The following LRRC28 variants were observed in gnomAD, a reference collection of about 807,000 sequenced individuals.
The protein encoded by LRRC28 is leucine rich repeat containing 28.
LRRC28 carries 39 observed loss-of-function variants against 45.7 expected under a neutral mutation model. The ratio of observed to expected loss-of-function variants is 0.85; its 90% CI spans 0.66 to 1.12. The LOEUF (loss-of-function observed/expected upper bound fraction) is 1.12. Among genes scored for constraint, LRRC28 ranks in the 50% most tolerant of loss-of-function variants. LRRC28 has a pLI of 0.00. For missense variants in LRRC28, 435 were observed against 438.5 expected, an observed-to-expected ratio of 0.99 and a Z score of 0.07; for synonymous variants, 206 against 178.8, an observed-to-expected ratio of 1.15 and a Z score of -1.22.
intron 2 of LRRC28, among the ~76,000 whole-genome samples, chr15:99,265,395 A>G (rs1379503172): frequency 1.3e-5 from 2 of 152,192 alleles, no homozygotes; most frequent in East Asian, 1.9e-4. Context: ...CAAAGTACCC[A>G]TTGATGTTGA....
chr15:99,356,499 A>C (rs1957051149), intron 7 of LRRC28, among the ~76,000 whole-genome samples: 2 of 152,226 alleles, frequency 1.3e-5, no homozygotes, highest in Admixed American at 1.3e-4. Flanking sequence ...AATCTGAAGG[A>C]CACATAGAAA....
chr15:99,347,424 G>A (rs375925091), intron 6 of LRRC28, among the ~76,000 whole-genome samples: 3 of 152,164 alleles, frequency 2.0e-5, no homozygotes, highest in Admixed American at 2.0e-4. Flanking sequence ...AGCCAGGATG[G>A]TCTTGATCTC....
intron 2 of LRRC28, among the ~76,000 whole-genome samples, chr15:99,256,989 C>G (rs2081041720): frequency 6.6e-6 from 1 of 151,990 alleles, no homozygotes; most frequent in African/African-American, 2.4e-5. Context: ...GTGAATTTAC[C>G]CATTCTTCAT....
At chr15:99,340,585 T>C (rs1312175122) in intron 6 of LRRC28, among the ~76,000 whole-genome samples, 7 of 152,236 alleles carry the variant, frequency 4.6e-5, no homozygotes, top group African/African-American at 1.7e-4. Context: ...ATGTATTTCA[T>C]CTGCAGTTTG....
At chr15:99,288,371 CTTTTTTTTTTT>C (rs67593137) in intron 5 of LRRC28, among the ~76,000 whole-genome samples, 2 of 82,894 alleles carry the variant, frequency 2.4e-5, no homozygotes, top group Non-Finnish European at 4.5e-5. Context: ...TGTACATTAA[CTTTTTTTTTTT>C]TTTTTTTTTT....
rs1957093821 is a variant in LRRC28, at chr15:99,358,000, GA to G, written c.696-3329del. On this transcript the variant is annotated intron_variant, in intron 7 of 9. Transcript: ENST00000301981. ...AGGAAATAGACATTATAAATACTGG[GA>G]AAAAAAGAACCAGAAAGACCTTTAT... Among the ~76,000 whole-genome samples the G allele has an allele frequency of 2.6e-5, 4 of 151,906 alleles. No homozygotes were observed. The South Asian group carries it at 8.3e-4, about 32-fold the overall frequency.
intron 2 of LRRC28, among the ~76,000 whole-genome samples, chr15:99,257,053 T>C (rs1018815390): frequency 1.3e-5 from 2 of 152,250 alleles, no homozygotes; most frequent in Non-Finnish European, 2.9e-5. Context: ...TCTTATTGGC[T>C]TCAAGTATAT....
intron 4 of LRRC28, 52 bp from the exon 5 acceptor site, chr15:99,287,762 T>G (rs890772880): frequency 7.1e-5 from 108 of 1,529,394 alleles, no homozygotes; most frequent in Non-Finnish European, 9.1e-5. Flanking sequence ...TTTAAAGATT[T>G]GATGTAATAC....
chr15:99,315,014 T>C (rs1955544529), intron 5 of LRRC28, among the ~76,000 whole-genome samples: 1 of 152,318 alleles, frequency 6.6e-6, no homozygotes, highest in African/African-American at 2.4e-5. Context: ...TAGGGTGTTA[T>C]TTGACATCAA....
At chr15:99,363,455 T>A in intron 9 of LRRC28, 190 bp downstream of exon 9, 1 of 583,074 alleles carries the variant, frequency 1.7e-6, no homozygotes, top group East Asian at 3.1e-5. Flanking sequence ...CTTTATTAAT[T>A]TTTTGGTCAT....
chr15:99,327,857 A>C (rs1224407457), intron 5 of LRRC28, among the ~76,000 whole-genome samples: 1 of 152,076 alleles, frequency 6.6e-6, no homozygotes, highest in Non-Finnish European at 1.5e-5. Flanking sequence ...GAAGCTTTAA[A>C]TCTCCCACTA....
intron 9 of LRRC28, among the ~76,000 whole-genome samples, chr15:99,382,308 G>T (rs569537734): frequency 6.6e-6 from 1 of 152,214 alleles, no homozygotes; most frequent in Non-Finnish European, 1.5e-5. Context: ...GCGAGGCTCC[G>T]TGGGCATGGG....
intron 6 of LRRC28, among the ~76,000 whole-genome samples, chr15:99,346,046 G>C (rs1473783678): frequency 6.6e-6 from 1 of 152,116 alleles, no homozygotes; most frequent in Non-Finnish European, 1.5e-5. Flanking sequence ...CAGTGGTGTA[G>C]TCATGGCTCA....
In LRRC28 at chr15:99,287,888, G is replaced by A. The variant is rs2082000561; in HGVS notation, c.322G>A (p.Gly108Ser). Residue 108 changes from glycine (G) to serine (S), a missense_variant, in exon 5 of 10, where the codon GGT (glycine) becomes AGT (serine). Coordinates refer to ENST00000301981, the MANE Select transcript of LRRC28 (RefSeq NM_144598.5). ...CTTAGAAATTGTTTGCCCAGAAATT[G>A]GTCGTCTGAGAGCTTTACGTCATCT... ...NALEIVCPEI[G>S]RLRALRHLRL... is the part of the protein sequence containing the mutation. 5 of 1,613,606 alleles carry A rather than the reference G, an allele frequency of 3.1e-6. No homozygotes were observed. Among genetic ancestry groups the A allele is most frequent in the South Asian group, 1.1e-5 (1 of 91,062 alleles).
Position 99,386,013 on chromosome 15 carries a change from C to T in LRRC28, c.1032-17C>T, listed in dbSNP as rs1463549665. On this transcript the variant is annotated splice_polypyrimidine_tract_variant and intron_variant, in intron 9 of 9. Coordinates refer to ENST00000301981, the MANE Select transcript of LRRC28 (RefSeq NM_144598.5). Reference sequence around the variant, plus strand: ...CTTGAACTCACAGCGTTCTTCTCTCCCTTTTTCCCCTTCCAGGAAGACAAC... The same window carrying T: ...CTTGAACTCACAGCGTTCTTCTCTCTCTTTTTCCCCTTCCAGGAAGACAAC... The T allele has an allele frequency of 3.1e-6, 5 of 1,611,840 alleles. No homozygotes were observed. Among genetic ancestry groups the T allele is most frequent in the Non-Finnish European group, 4.2e-6 (5 of 1,177,904 alleles).
intron 5 of LRRC28, among the ~76,000 whole-genome samples, chr15:99,308,566 G>A (rs576851077): frequency 1.1e-3 from 161 of 152,222 alleles, no homozygotes; most frequent in African/African-American, 3.7e-3. Flanking sequence ...CAACTGCTTC[G>A]GAGGCTGAGG....
chr15:99,352,334 A>G (rs763475605), intron 6 of LRRC28, 35 bp from the exon 7 acceptor site: 4 of 1,360,646 alleles, frequency 2.9e-6, no homozygotes, highest in Non-Finnish European at 2.1e-6. Context: ...TGGTGCCTGT[A>G]TATAGGAATT....
chr15:99,256,177 T>G lies in LRRC28; in HGVS notation c.168+52T>G, dbSNP rs1597140906. ...AAATTATTTATACATGTGGTCCTGA[T>G]CAAGATACATTTACATACCCTAAGG... is the stretch of plus-strand genomic sequence containing the variant. On this transcript the variant is annotated intron_variant, in intron 2 of 9. Coordinates refer to ENST00000301981, the MANE Select transcript of LRRC28 (RefSeq NM_144598.5). The G allele has an allele frequency of 1.9e-5, 28 of 1,461,984 alleles. No homozygotes were observed. In the East Asian group the frequency reaches 6.3e-4, roughly 33 times the overall value. 90.6% of individuals were successfully genotyped at this position (1,461,984 alleles called of 1,614,324 possible).
chr15:99,348,267 C>G (rs1489877451), intron 6 of LRRC28, among the ~76,000 whole-genome samples: 1 of 152,024 alleles, frequency 6.6e-6, no homozygotes, highest in Non-Finnish European at 1.5e-5. Context: ...TGTGCAGAAG[C>G]TTTTTAATTT....
Sources: gnomAD v4.1 joint callset for allele counts (sites outside exome capture counted in the v4.1 genomes callset) on GRCh38, gnomAD v4.1.1 for gene constraint, MANE v1.5 for transcripts, NCBI Gene and HGNC (gene_info 2026-07-23, HGNC 2026-07-21) for gene names.